The following ABCB5 variants were observed in gnomAD, a reference collection of about 807,000 sequenced individuals.
ABCB5 encodes ATP-binding cassette sub-family B member 5.
A neutral mutation model predicts 144.2 loss-of-function variants in ABCB5; 155 were observed. The observed-to-expected ratio is 1.08, with a 90% CI of 0.94 to 1.23. ABCB5 has a LOEUF of 1.23. Ranked by LOEUF, ABCB5 falls within the 50% of genes most tolerant of loss-of-function variation. The pLI is 0.00. For synonymous variants in ABCB5, 610 were observed against 528.6 expected, an observed-to-expected ratio of 1.15 and a Z score of -2.11; for missense variants, 1,830 against 1,520.8, an observed-to-expected ratio of 1.20 and a Z score of -3.38.
At position 20,713,359 on chromosome 7, in the gene ABCB5, T is replaced by TC. The variant is rs1364012439; in HGVS notation, c.2421+8554dup. On this transcript the variant is annotated intron_variant, in intron 20 of 27. Coordinates refer to ENST00000404938, the MANE Select transcript of ABCB5 (RefSeq NM_001163941.2). ...TCAAGCAATCCTCCTGCCTCAGCTT[T>TC]CCATGCAGCTGAAATGAGAGGTACA... is the stretch of plus-strand genomic sequence containing the variant. Among the ~76,000 whole-genome samples, 4 of 149,040 alleles carry TC rather than the reference T, an allele frequency of 2.7e-5. 1 individual carries two copies. Among genetic ancestry groups the TC allele is most frequent in the Admixed American group, 2.7e-4 (4 of 14,926 alleles).
intron 20 of ABCB5, among the ~76,000 whole-genome samples, chr7:20,710,335 C>T (rs1480300300): frequency 1.7e-5 from 2 of 116,716 alleles, no homozygotes; most frequent in African/African-American, 3.5e-5. Context: ...CCATTGCACT[C>T]CAGCCTGGGC....
chr7:20,699,111 A>T (rs1307461996), intron 17 of ABCB5, among the ~76,000 whole-genome samples: 1 of 152,170 alleles, frequency 6.6e-6, no homozygotes, highest in Admixed American at 6.6e-5. Context: ...TTTTAAGAAA[A>T]ATTCTGGGGG....
intron 13 of ABCB5, among the ~76,000 whole-genome samples, chr7:20,656,912 CTTT>C (rs749816471): frequency 3.4e-5 from 2 of 58,572 alleles, no homozygotes; most frequent in Non-Finnish European, 3.2e-5. Flanking sequence ...TTTCCTTTTT[CTTT>C]TTTTTTTTTT....
rs1784449116 is a variant in ABCB5, at chr7:20,647,646, A to G, written c.1093A>G (p.Lys365Glu). The G allele has an allele frequency of 6.4e-7, 1 of 1,563,800 alleles. No individual in the cohort carries two copies. Among genetic ancestry groups the G allele is most frequent in the Non-Finnish European group, 8.7e-7 (1 of 1,152,818 alleles). Residue 365 changes from lysine to glutamate, a missense_variant and splice_region_variant, in exon 10 of 28, where the codon AAG becomes GAG. Coordinates refer to ENST00000404938, the MANE Select transcript of ABCB5 (RefSeq NM_001163941.2). The part of the protein sequence containing the change: ...AAFHIFQVID[K>E]KPSIDNFSTA... ...CTTTCATATTTTCCAGGTTATTGAT[A>G]AGGTAAGACCTCTTATTGCTTTGAA...
At chr7:20,638,260 T>C (rs1185671276) in intron 5 of ABCB5, among the ~76,000 whole-genome samples, 2 of 152,186 alleles carry the variant, frequency 1.3e-5, no homozygotes. Flanking sequence ...CACTAATAGA[T>C]AAAAATATTA....
In ABCB5 at chr7:20,658,622, T is replaced by C; in HGVS notation, c.1653T>C (p.Ala551=). The C allele has an allele frequency of 6.2e-7, 1 of 1,614,204 alleles. No homozygotes were observed. Among genetic ancestry groups the C allele is most frequent in the Non-Finnish European group, 8.5e-7 (1 of 1,180,022 alleles). ...RNPKILILDE[A]TSALDSESKS... Reference sequence around the variant, plus strand: ...CCAAGATTCTGATTTTAGATGAGGCTACGTCTGCCCTGGATTCAGAAAGCA... The same window carrying C: ...CCAAGATTCTGATTTTAGATGAGGCCACGTCTGCCCTGGATTCAGAAAGCA... Residue 551 remains alanine (A), a synonymous_variant, in exon 14 of 28, where the codon GCT becomes GCC. Transcript: ENST00000404938.
At chr7:20,657,479 T>C (rs1375466384) in intron 13 of ABCB5, among the ~76,000 whole-genome samples, 1 of 152,182 alleles carries the variant, frequency 6.6e-6, no homozygotes, top group East Asian at 1.9e-4. Flanking sequence ...CATGGATGAA[T>C]ATCAAAAACA....
At chr7:20,711,563 G>C (rs1787034603) in intron 20 of ABCB5, among the ~76,000 whole-genome samples, 1 of 147,934 alleles carries the variant, frequency 6.8e-6, no homozygotes. Flanking sequence ...CCAGGCTCAG[G>C]TGATCCTCCC....
chr7:20,726,918 A>G (rs959897032), intron 21 of ABCB5, 122 bp from the exon 22 acceptor site: 1 of 519,146 alleles, frequency 1.9e-6, no homozygotes, highest in African/African-American at 2.0e-5. Context: ...AATATTTGTC[A>G]GGAAAACTTA....
chr7:20,652,569 G>GA (rs3214125), intron 13 of ABCB5, among the ~76,000 whole-genome samples: 1 of 151,450 alleles, frequency 6.6e-6, no homozygotes, highest in African/African-American at 2.4e-5. Context: ...GACTTTATGG[G>GA]AAAAAAAAGT....
intron 14 of ABCB5, among the ~76,000 whole-genome samples, chr7:20,672,953 T>C (rs1785496207): frequency 2.0e-5 from 3 of 152,148 alleles, no homozygotes; most frequent in Non-Finnish European, 4.4e-5. Flanking sequence ...TTGATTTTTA[T>C]TTCTTTTCTT....
At chr7:20,666,181 A>C (rs1583409483) in intron 14 of ABCB5, among the ~76,000 whole-genome samples, 1 of 151,980 alleles carries the variant, frequency 6.6e-6, no homozygotes, top group Non-Finnish European at 1.5e-5. Context: ...AAAAAAAAAA[A>C]AAAAAAAAGT....
At chr7:20,662,756 C>T (rs911053690) in intron 14 of ABCB5, among the ~76,000 whole-genome samples, 2 of 152,226 alleles carry the variant, frequency 1.3e-5, no homozygotes, top group Non-Finnish European at 2.9e-5. Context: ...AAGCCACTAA[C>T]TTCTTTCAGA....
At chr7:20,635,376 G>A (rs560485142) in intron 5 of ABCB5, among the ~76,000 whole-genome samples, 5 of 130,834 alleles carry the variant, frequency 3.8e-5, no homozygotes, top group African/African-American at 6.0e-5. Flanking sequence ...TAGTTGTTTT[G>A]GTTATAAAGG....
At chr7:20,642,699 C>T (rs1365140607) in intron 5 of ABCB5, among the ~76,000 whole-genome samples, 1 of 152,106 alleles carries the variant, frequency 6.6e-6, no homozygotes, top group Non-Finnish European at 1.5e-5. Context: ...TTGTTTTCAG[C>T]TTTTCTATAT....
At chr7:20,734,949 T>G (rs1037834256) in intron 23 of ABCB5, among the ~76,000 whole-genome samples, 1 of 152,200 alleles carries the variant, frequency 6.6e-6, no homozygotes, top group Non-Finnish European at 1.5e-5. Context: ...TATCTCTTTG[T>G]GTTAGTCCCT....
intron 23 of ABCB5, among the ~76,000 whole-genome samples, chr7:20,734,070 A>G (rs1782308766): frequency 1.3e-5 from 2 of 152,174 alleles, no homozygotes; most frequent in African/African-American, 4.8e-5. Context: ...CCAAAAGAGC[A>G]ACATAGCACT....
chr7:20,691,582 T>TTATTTTTA (rs1554285335), intron 16 of ABCB5, among the ~76,000 whole-genome samples: 1 of 146,808 alleles, frequency 6.8e-6, no homozygotes, highest in African/African-American at 2.5e-5. Context: ...TTAAATTCAT[T>TTATTTTTA]TTTATTTATT....
At chr7:20,728,204 T>C (rs992290361) in intron 22 of ABCB5, 111 bp from the exon 23 acceptor site, 38 of 1,321,162 alleles carry the variant, frequency 2.9e-5, no homozygotes, top group Non-Finnish European at 3.9e-5. Flanking sequence ...AAAAATGCCT[T>C]TCCACCAAAT....
Sources: gnomAD v4.1 joint callset for allele counts (sites outside exome capture counted in the v4.1 genomes callset) on GRCh38, gnomAD v4.1.1 for gene constraint, MANE v1.5 for transcripts, NCBI Gene and HGNC (gene_info 2026-07-23, HGNC 2026-07-21) for gene names.